The following SNTG1 variants were observed in gnomAD, a reference collection of about 807,000 sequenced individuals.
SNTG1 encodes syntrophin gamma 1.
SNTG1 carries 39 observed loss-of-function variants against 74.7 expected under a neutral mutation model. The ratio of observed to expected loss-of-function variants is 0.52; its 90% CI spans 0.40 to 0.68. SNTG1 has a LOEUF of 0.68. Ranked by LOEUF, SNTG1 falls within the 30% of genes least tolerant of loss-of-function variation. The probability of loss-of-function intolerance (pLI) is 0.00; values close to 1 mark genes in which losing one functional copy is unlikely to be tolerated. For missense variants in SNTG1, 685 were observed against 609.5 expected, an observed-to-expected ratio of 1.12 and a Z score of -1.30; for synonymous variants, 254 against 217.1, an observed-to-expected ratio of 1.17 and a Z score of -1.49.
intron 1 of SNTG1, among the ~76,000 whole-genome samples, chr8:49,938,557 G>GTTTTCTTTTCTTTTCTTTTCTTTTC (rs1417018491): frequency 4.8e-4 from 61 of 127,252 alleles, no homozygotes; most frequent in African/African-American, 1.5e-3. Flanking sequence ...CTTTTCTTTT[G>GTTTTCTTTTCTTTTCTTTTCTTTTC]TTTTCTTTTC....
intron 1 of SNTG1, among the ~76,000 whole-genome samples, chr8:50,059,645 G>C (rs1820312070): frequency 6.6e-6 from 1 of 151,896 alleles, no homozygotes; most frequent in Non-Finnish European, 1.5e-5. Flanking sequence ...TGTTTCCCAG[G>C]TTCATCCATT....
intron 16 of SNTG1, among the ~76,000 whole-genome samples, chr8:50,706,261 A>G (rs1356171381): frequency 6.6e-6 from 1 of 152,188 alleles, no homozygotes; most frequent in African/African-American, 2.4e-5. Flanking sequence ...TCAATTCAAA[A>G]AAATAGATAT....
chr8:50,789,054 C>T (rs1171914597), intron 18 of SNTG1, among the ~76,000 whole-genome samples: 2 of 151,902 alleles, frequency 1.3e-5, no homozygotes, highest in Non-Finnish European at 2.9e-5. Flanking sequence ...ATTCCTATGC[C>T]CCCTTTAAAA....
intron 1 of SNTG1, among the ~76,000 whole-genome samples, chr8:50,142,296 TA>T (rs1416811130): frequency 6.6e-6 from 1 of 152,016 alleles, no homozygotes; most frequent in Non-Finnish European, 1.5e-5. Flanking sequence ...AGACTACAGT[TA>T]AGATGAAGGA....
At chr8:50,064,748 G>A (rs530990838) in intron 1 of SNTG1, among the ~76,000 whole-genome samples, 5 of 152,104 alleles carry the variant, frequency 3.3e-5, no homozygotes, top group East Asian at 3.9e-4. Context: ...GGCTCTGACC[G>A]GACGTTTACC....
chr8:50,528,071 A>G (rs2094236793), intron 9 of SNTG1, among the ~76,000 whole-genome samples: 1 of 151,984 alleles, frequency 6.6e-6, no homozygotes, highest in African/African-American at 2.4e-5. Context: ...TATATACACG[A>G]TTGTGTTATC....
chr8:49,993,019 A>T (rs893836606), intron 1 of SNTG1, among the ~76,000 whole-genome samples: 1 of 152,222 alleles, frequency 6.6e-6, no homozygotes, highest in African/African-American at 2.4e-5. Context: ...AATACCATTT[A>T]CATGTTTTAA....
chr8:50,336,655 T>C (rs533319784), intron 2 of SNTG1, among the ~76,000 whole-genome samples: 2 of 152,364 alleles, frequency 1.3e-5, no homozygotes, highest in South Asian at 4.1e-4. Flanking sequence ...TTACATATGG[T>C]AAACCCACAC....
At chr8:50,036,341 C>A (rs774018367) in intron 1 of SNTG1, among the ~76,000 whole-genome samples, 1 of 152,162 alleles carries the variant, frequency 6.6e-6, no homozygotes, top group African/African-American at 2.4e-5. Flanking sequence ...CAGTGTCAAC[C>A]ACAATTCTGG....
intron 18 of SNTG1, among the ~76,000 whole-genome samples, chr8:50,777,906 T>C (rs1395314900): frequency 6.6e-6 from 1 of 151,980 alleles, no homozygotes. Context: ...CCTGTGTCCA[T>C]GTGATCTCAT....
At chr8:50,757,753 T>C (rs772149639) in intron 18 of SNTG1, among the ~76,000 whole-genome samples, 2 of 151,992 alleles carry the variant, frequency 1.3e-5, no homozygotes, top group Non-Finnish European at 1.5e-5. Flanking sequence ...TCTTTATTCT[T>C]ATTTTAGTCT....
rs556737336 is a variant in SNTG1 at position 50,508,034 on chromosome 8, C to A, written c.466+5154C>A. On this transcript the variant is annotated intron_variant, in intron 9 of 18. Coordinates refer to ENST00000642720, the MANE Select transcript of SNTG1 (RefSeq NM_018967.5). ...CTGCCCCCATTAACTCATCATTTAA[C>A]GTTAGATATATCTCCTAATGCTATC... Among the ~76,000 whole-genome samples the A allele has an allele frequency of 1.1e-4, 17 of 152,016 alleles. No individual in the cohort carries two copies. In the South Asian group the frequency reaches 3.1e-3, roughly 28 times the overall value.
chr8:50,501,232 G>A (rs903108267), intron 8 of SNTG1, among the ~76,000 whole-genome samples: 3 of 151,928 alleles, frequency 2.0e-5, no homozygotes, highest in Non-Finnish European at 4.4e-5. Flanking sequence ...GAAAGTGCCC[G>A]GCCTGTTTGG....
intron 4 of SNTG1, among the ~76,000 whole-genome samples, chr8:50,422,084 G>T (rs930418039): frequency 6.6e-6 from 1 of 152,104 alleles, no homozygotes; most frequent in African/African-American, 2.4e-5. Context: ...GGAAAGGAGA[G>T]GCCTGATTGC....
chr8:50,484,141 T>TTTCTTCCTTTCTTTCC (rs2093766478), intron 8 of SNTG1, among the ~76,000 whole-genome samples: 5 of 92,786 alleles, frequency 5.4e-5, no homozygotes, highest in Non-Finnish European at 9.0e-5. Context: ...TCTTTCCTTC[T>TTTCTTCCTTTCTTTCC]TTCTTTCTTT....
chr8:50,656,702 C>A (rs2095183817), intron 13 of SNTG1, among the ~76,000 whole-genome samples: 2 of 152,040 alleles, frequency 1.3e-5, no homozygotes, highest in Non-Finnish European at 2.9e-5. Context: ...ATAAGAAATT[C>A]TTATGAGAGG....
At chr8:50,225,955 C>T (rs1253100146) in intron 2 of SNTG1, among the ~76,000 whole-genome samples, 2 of 152,120 alleles carry the variant, frequency 1.3e-5, no homozygotes, top group Non-Finnish European at 2.9e-5. Context: ...AAAATTTACA[C>T]TATTGTTAAT....
intron 11 of SNTG1, among the ~76,000 whole-genome samples, chr8:50,538,987 G>C (rs1239083694): frequency 1.3e-5 from 2 of 151,694 alleles, no homozygotes; most frequent in Non-Finnish European, 2.9e-5. Flanking sequence ...TTTATTTTTT[G>C]TCGATTTATT....
intron 1 of SNTG1, among the ~76,000 whole-genome samples, chr8:49,989,056 T>C (rs4873123): frequency 0.1 from 15,785 of 151,908 alleles, 1,215 homozygotes; most frequent in African/African-American, 0.2. Context: ...TGTGAAAACA[T>C]CACCTGTACC....
Sources: allele counts gnomAD v4.1 joint callset (sites outside exome capture counted in the v4.1 genomes callset), GRCh38; gene constraint gnomAD v4.1.1; transcripts MANE v1.5; gene names NCBI Gene and HGNC (gene_info 2026-07-23, HGNC 2026-07-21).